The following AUTS2 variants were observed in gnomAD, a reference collection of about 807,000 sequenced individuals.
AUTS2 encodes autism susceptibility gene 2 protein.
A neutral mutation model predicts 112.4 loss-of-function variants in AUTS2; 17 were observed. The observed-to-expected ratio is 0.15, with a 90% confidence interval of 0.10 to 0.23. The LOEUF is 0.23. AUTS2 is among the 10% of genes least tolerant of loss of function. The probability of loss-of-function intolerance (pLI) is 1.00; values close to 1 mark genes in which losing one functional copy is unlikely to be tolerated. For synonymous variants in AUTS2, 751 were observed against 702.7 expected (o/e 1.07, Z -1.09); for missense variants, 1,510 against 1,701.6 (o/e 0.89, Z 1.98).
intron 4 of AUTS2, among the ~76,000 whole-genome samples, chr7:70,433,408 G>C (rs1049802989): frequency 2.0e-5 from 3 of 152,166 alleles, no homozygotes; most frequent in Non-Finnish European, 4.4e-5. Flanking sequence ...CACCCCTCTT[G>C]AATTGAGCGT....
At chr7:70,189,538 T>G (rs1259026237) in intron 4 of AUTS2, among the ~76,000 whole-genome samples, 1 of 152,214 alleles carries the variant, frequency 6.6e-6, no homozygotes, top group Non-Finnish European at 1.5e-5. Context: ...TGGTGCTAGA[T>G]TAATGCCCAG....
At chr7:69,722,160 A>T (rs1047859853) in intron 1 of AUTS2, among the ~76,000 whole-genome samples, 7 of 152,170 alleles carry the variant, frequency 4.6e-5, no homozygotes, top group South Asian at 2.1e-4. Context: ...GCAAAAAAAA[A>T]AAAAATAAAA....
Position 69,599,619 on chromosome 7 carries a change from G to T in AUTS2, c.-35G>T. The stretch of plus-strand genomic sequence containing the variant: ...TGTGTGGCTGCGGCCGTAGCCTGTG[G>T]CGGGCAAGCGGGGAGACCCCGGCGC... On this transcript the variant is annotated 5_prime_UTR_variant, in exon 1 of 19. Transcript: ENST00000342771. This position sits in a 1 kb window ranked among gnomAD's most constrained non-coding sequence, Gnocchi z 7.0. 1 of 1,270,450 alleles carries T rather than the reference G, an allele frequency of 7.9e-7. No homozygotes were observed. Among genetic ancestry groups the T allele is most frequent in the Non-Finnish European group, 9.9e-7 (1 of 1,010,110 alleles). The allele number at this position is 1,270,450 out of a possible 1,614,324, so 78.7% of individuals were successfully genotyped here.
At chr7:70,443,841 T>C (rs1316481672) in intron 5 of AUTS2, among the ~76,000 whole-genome samples, 1 of 152,186 alleles carries the variant, frequency 6.6e-6, no homozygotes, top group Non-Finnish European at 1.5e-5. Context: ...TAATCTGTGT[T>C]CCTCAACTAC....
intron 5 of AUTS2, among the ~76,000 whole-genome samples, chr7:70,453,343 G>C (rs1256312846): frequency 1.3e-5 from 2 of 152,228 alleles, no homozygotes; most frequent in African/African-American, 4.8e-5. Flanking sequence ...CTTATGGTCA[G>C]AAGTGAGAGT....
chr7:69,974,926 C>A (rs112178709), intron 2 of AUTS2, among the ~76,000 whole-genome samples: 1 of 152,032 alleles, frequency 6.6e-6, no homozygotes, highest in African/African-American at 2.4e-5. Flanking sequence ...GTTACTGTAT[C>A]ATTGCTCTTT....
intron 4 of AUTS2, among the ~76,000 whole-genome samples, chr7:70,392,001 C>G (rs1793884658): frequency 1.3e-5 from 2 of 152,322 alleles, no homozygotes; most frequent in South Asian, 4.1e-4. Context: ...AGAGTGCTTC[C>G]TGACTTCTCC....
At chr7:69,927,737 AG>A (rs1357527753) in intron 2 of AUTS2, among the ~76,000 whole-genome samples, 5 of 152,212 alleles carry the variant, frequency 3.3e-5, no homozygotes, top group Non-Finnish European at 7.3e-5. Flanking sequence ...GGGCAGCTCC[AG>A]GTGCCCGCAC....
chr7:70,713,633 G>A (rs1273865141), intron 6 of AUTS2, among the ~76,000 whole-genome samples: 2 of 152,172 alleles, frequency 1.3e-5, no homozygotes, highest in East Asian at 1.9e-4. Context: ...GGTGGCTCAC[G>A]CCTGTAATCC....
intron 4 of AUTS2, among the ~76,000 whole-genome samples, chr7:70,277,968 G>A (rs1407810543): frequency 1.3e-5 from 2 of 150,528 alleles, no homozygotes; most frequent in African/African-American, 2.4e-5. Flanking sequence ...ATGTGTGTGT[G>A]TGTGTGTGTG....
At chr7:70,525,283 T>C (rs1047096689) in intron 5 of AUTS2, among the ~76,000 whole-genome samples, 2 of 152,202 alleles carry the variant, frequency 1.3e-5, no homozygotes, top group African/African-American at 4.8e-5. Flanking sequence ...GTTAGAGTTG[T>C]AATCTTCCAT....
intron 1 of AUTS2, among the ~76,000 whole-genome samples, chr7:69,820,243 C>G (rs1351292166): frequency 6.6e-6 from 1 of 152,236 alleles, no homozygotes; most frequent in Non-Finnish European, 1.5e-5. Flanking sequence ...TCCCCCAACA[C>G]TTACTCTCTG....
intron 6 of AUTS2, among the ~76,000 whole-genome samples, chr7:70,723,394 CT>C (rs988414113): frequency 6.6e-6 from 1 of 152,014 alleles, no homozygotes; most frequent in African/African-American, 2.4e-5. Flanking sequence ...TTTTTCGGAC[CT>C]CATCATAGAC....
At chr7:69,806,402 C>T (rs1000243620) in intron 1 of AUTS2, among the ~76,000 whole-genome samples, 10 of 151,820 alleles carry the variant, frequency 6.6e-5, no homozygotes, top group Non-Finnish European at 5.9e-5. Context: ...ATTCTAAGGG[C>T]GTTATACTTG....
intron 4 of AUTS2, among the ~76,000 whole-genome samples, chr7:70,367,249 C>T (rs1394147774): frequency 6.6e-6 from 1 of 151,950 alleles, no homozygotes; most frequent in African/African-American, 2.4e-5. Context: ...GGTAACAGAG[C>T]GAGAGTCTGT....
intron 5 of AUTS2, among the ~76,000 whole-genome samples, chr7:70,588,145 T>C (rs564888189): frequency 2.0e-5 from 3 of 152,340 alleles, no homozygotes; most frequent in African/African-American, 7.2e-5. Flanking sequence ...AAAGGAATGA[T>C]ATGTAGTGAG....
At chr7:70,445,234 G>A (rs1796274283) in intron 5 of AUTS2, among the ~76,000 whole-genome samples, 1 of 152,118 alleles carries the variant, frequency 6.6e-6, no homozygotes, top group South Asian at 2.1e-4. Context: ...CATAAGTGAT[G>A]GAGCTGAGAT....
At chr7:69,889,215 A>G (rs1320019862) in intron 1 of AUTS2, among the ~76,000 whole-genome samples, 3 of 152,168 alleles carry the variant, frequency 2.0e-5, no homozygotes, top group African/African-American at 4.8e-5. Flanking sequence ...TCATTCTTTT[A>G]TAAACAGGTT....
intron 2 of AUTS2, among the ~76,000 whole-genome samples, chr7:70,052,149 G>GT (rs1563066903): frequency 6.6e-6 from 1 of 152,200 alleles, no homozygotes; most frequent in East Asian, 1.9e-4. Context: ...CAGTAATGTG[G>GT]TATGTCACCA....
Sources: gnomAD v4.1 joint callset for allele counts (sites outside exome capture counted in the v4.1 genomes callset) on GRCh38, gnomAD v4.1.1 for gene constraint, Gnocchi (gnomAD v3.1) non-coding constraint, MANE v1.5 for transcripts, NCBI Gene and HGNC (gene_info 2026-07-23, HGNC 2026-07-21) for gene names.